Variants in LRMDA observed in about 807,000 individuals in gnomAD.
The protein encoded by LRMDA is leucine rich melanocyte differentiation associated, also known as leucine-rich melanocyte differentiation-associated protein.
In LRMDA, 18 loss-of-function variants were observed where a neutral mutation model predicts 29.8. The observed-to-expected ratio is 0.60, with a 90% CI of 0.42 to 0.90. The LOEUF (loss-of-function observed/expected upper bound fraction) is 0.90, where lower values mean the gene tolerates loss of function less well. LRMDA is among the 40% of genes least tolerant of loss of function. The probability of loss-of-function intolerance (pLI) is 0.00; values close to 1 mark genes in which losing one functional copy is unlikely to be tolerated. For synonymous variants in LRMDA, 125 were observed against 109.4 expected, an observed-to-expected ratio of 1.14 and a Z score of -0.89; for missense variants, 273 against 273.9, an observed-to-expected ratio of 1.00 and a Z score of 0.02.
intron 2 of LRMDA, among the ~76,000 whole-genome samples, chr10:75,772,535 A>G (rs1843254669): frequency 6.6e-6 from 1 of 152,218 alleles, no homozygotes; most frequent in African/African-American, 2.4e-5. Flanking sequence ...AGGATCAGGG[A>G]TGAATGCTAC....
At chr10:76,443,178 G>T (rs1342306477) in intron 6 of LRMDA, among the ~76,000 whole-genome samples, 1 of 152,128 alleles carries the variant, frequency 6.6e-6, no homozygotes, top group African/African-American at 2.4e-5. Flanking sequence ...AGATCAAACA[G>T]CTTTAAGACA....
chr10:75,655,949 C>T (rs1430435210), intron 2 of LRMDA, among the ~76,000 whole-genome samples: 1 of 152,176 alleles, frequency 6.6e-6, no homozygotes, highest in Non-Finnish European at 1.5e-5. Flanking sequence ...ATCTGCTTCT[C>T]TCCCTGGAGC....
At chr10:76,302,908 C>A (rs1422134066) in intron 5 of LRMDA, among the ~76,000 whole-genome samples, 2 of 152,164 alleles carry the variant, frequency 1.3e-5, no homozygotes, top group Admixed American at 6.5e-5. Context: ...AACAAAACCC[C>A]TTTTCTTCAC....
At chr10:75,929,761 A>T (rs1229832116) in intron 2 of LRMDA, among the ~76,000 whole-genome samples, 2 of 152,204 alleles carry the variant, frequency 1.3e-5, no homozygotes, top group African/African-American at 2.4e-5. Flanking sequence ...GGTTACAATG[A>T]CATAGCATGA....
chr10:75,538,669 C>A (rs1839981514), intron 2 of LRMDA, among the ~76,000 whole-genome samples: 2 of 152,072 alleles, frequency 1.3e-5, no homozygotes, highest in African/African-American at 4.8e-5. Context: ...TCTTAGCTTT[C>A]TCATCTATGC....
chr10:76,473,289 A>C (rs1011823501), intron 6 of LRMDA, among the ~76,000 whole-genome samples: 13 of 151,620 alleles, frequency 8.6e-5, no homozygotes, highest in African/African-American at 2.9e-4. Context: ...TTAAAAAAAA[A>C]GTATTTGACA....
intron 2 of LRMDA, among the ~76,000 whole-genome samples, chr10:75,984,504 G>T (rs1255261790): frequency 6.6e-6 from 1 of 152,236 alleles, no homozygotes; most frequent in Non-Finnish European, 1.5e-5. Context: ...AAGGGAACGT[G>T]TCCCACTCAC....
At chr10:76,039,616 G>A (rs1848308796) in intron 3 of LRMDA, among the ~76,000 whole-genome samples, 1 of 152,168 alleles carries the variant, frequency 6.6e-6, no homozygotes, top group East Asian at 1.9e-4. Context: ...TAGCAAGAGG[G>A]ATTATCACAT....
intron 2 of LRMDA, among the ~76,000 whole-genome samples, chr10:75,850,273 T>C (rs1013306119): frequency 6.6e-6 from 1 of 152,234 alleles, no homozygotes; most frequent in African/African-American, 2.4e-5. Context: ...TGTAACCATT[T>C]TTTCATTTTA....
At chr10:76,331,704 C>T (rs755386428) in intron 6 of LRMDA, among the ~76,000 whole-genome samples, 2 of 152,066 alleles carry the variant, frequency 1.3e-5, no homozygotes, top group Admixed American at 6.5e-5. Flanking sequence ...GTTGGTTCCT[C>T]GTGCAGAACT....
At chr10:76,177,831 T>C (rs1399355961) in intron 5 of LRMDA, among the ~76,000 whole-genome samples, 2 of 152,190 alleles carry the variant, frequency 1.3e-5, no homozygotes, top group Non-Finnish European at 2.9e-5. Flanking sequence ...ACAAAAGCTG[T>C]TTGTTGGAGA....
rs1272268163 is a variant in LRMDA, at chr10:76,214,354, TTA to T, written c.517-110045_517-110044del. Among the ~76,000 whole-genome samples, 178 of 137,940 alleles carry T rather than the reference TTA, an allele frequency of 1.3e-3. 30 individuals are homozygous for T. The East Asian group carries it at 0.019, about 14-fold the overall frequency. 90.5% of individuals were successfully genotyped at this position (137,940 alleles called of 152,430 possible). A position where few individuals can be genotyped will look rare whatever the true frequency, so the allele number is the denominator to read the frequency against. On this transcript the variant is annotated intron_variant, in intron 5 of 6. Coordinates refer to ENST00000611255, the MANE Select transcript of LRMDA (RefSeq NM_001305581.2). ...AATTTTTTTTTTTTTTTTTTTTTTT[TTA>T]TGAGACGGAGTCTCCTCTGTCGCCC... is the stretch of plus-strand genomic sequence containing the variant.
chr10:75,521,150 T>G (rs1845352848), intron 2 of LRMDA, among the ~76,000 whole-genome samples: 2 of 152,214 alleles, frequency 1.3e-5, no homozygotes, highest in Non-Finnish European at 2.9e-5. Flanking sequence ...CCAGTTAGAC[T>G]ACAGGGGGGT....
At chr10:76,134,068 G>A (rs1443013129) in intron 5 of LRMDA, among the ~76,000 whole-genome samples, 2 of 152,088 alleles carry the variant, frequency 1.3e-5, no homozygotes, top group African/African-American at 4.8e-5. Context: ...TTTAATTACA[G>A]CATAATCTCA....
At chr10:76,129,277 C>A (rs1006920813) in intron 5 of LRMDA, among the ~76,000 whole-genome samples, 50 of 152,210 alleles carry the variant, frequency 3.3e-4, no homozygotes, top group African/African-American at 1.1e-3. Context: ...TGGTGCTCCT[C>A]CATCCTGCAG....
At chr10:76,330,708 G>A (rs1468609544) in intron 6 of LRMDA, among the ~76,000 whole-genome samples, 1 of 152,174 alleles carries the variant, frequency 6.6e-6, no homozygotes, top group Non-Finnish European at 1.5e-5. Flanking sequence ...GCACGTCAAG[G>A]TGCCACAATT....
intron 5 of LRMDA, among the ~76,000 whole-genome samples, chr10:76,274,841 C>T (rs753692363): frequency 2.0e-5 from 3 of 152,206 alleles, no homozygotes; most frequent in Non-Finnish European, 4.4e-5. Context: ...AAGATCACAA[C>T]TTTCCCTACC....
intron 2 of LRMDA, among the ~76,000 whole-genome samples, chr10:75,842,577 A>G (rs1390017354): frequency 6.6e-6 from 1 of 152,218 alleles, no homozygotes; most frequent in Non-Finnish European, 1.5e-5. Context: ...AAATAAATGA[A>G]ATAAAAGAGA....
intron 6 of LRMDA, among the ~76,000 whole-genome samples, chr10:76,363,176 AGGAGGGAG>A (rs1227410935): frequency 4.6e-5 from 1 of 21,794 alleles, no homozygotes; most frequent in African/African-American, 1.4e-4. Context: ...AAAGAAAGAA[AGGAGGGAG>A]GGAGGGAGGG....
Sources: allele counts gnomAD v4.1 joint callset (sites outside exome capture counted in the v4.1 genomes callset), GRCh38; gene constraint gnomAD v4.1.1; transcripts MANE v1.5; gene names NCBI Gene and HGNC (gene_info 2026-07-23, HGNC 2026-07-21).